CTNNA2: variants seen among roughly 807,000 people sequenced by gnomAD.
CTNNA2 encodes catenin alpha 2.
A neutral mutation model predicts 101.0 loss-of-function variants in CTNNA2; 42 were observed. The ratio of observed to expected loss-of-function variants is 0.42; its 90% CI spans 0.32 to 0.54. The LOEUF is 0.54. Ranked by LOEUF, CTNNA2 falls within the 20% of genes least tolerant of loss-of-function variation. The pLI is 0.14. For synonymous variants in CTNNA2, 450 were observed against 456.4 expected, an observed-to-expected ratio of 0.99 and a Z score of 0.18; for missense variants, 871 against 1,223.1, an observed-to-expected ratio of 0.71 and a Z score of 4.29.
intron 3 of CTNNA2, among the ~76,000 whole-genome samples, chr2:79,323,025 A>G (rs1676660236): frequency 6.6e-6 from 1 of 152,158 alleles, no homozygotes; most frequent in Admixed American, 6.5e-5. Flanking sequence ...GTATTTTCCC[A>G]TGCTAGGAAT....
intron 7 of CTNNA2, among the ~76,000 whole-genome samples, chr2:80,043,277 A>C (rs1696300479): frequency 6.8e-6 from 1 of 146,426 alleles, no homozygotes; most frequent in South Asian, 2.2e-4. Flanking sequence ...GGCTCACTGC[A>C]ACCTCCACCT....
intron 3 of CTNNA2, among the ~76,000 whole-genome samples, chr2:79,759,841 C>T (rs1672660332): frequency 6.6e-6 from 1 of 152,180 alleles, no homozygotes; most frequent in East Asian, 1.9e-4. Context: ...TACAGCCTCT[C>T]TCATTTTTTT....
At chr2:80,589,048 C>A (rs901429152) in intron 14 of CTNNA2, among the ~76,000 whole-genome samples, 1 of 152,116 alleles carries the variant, frequency 6.6e-6, no homozygotes, top group Non-Finnish European at 1.5e-5. Flanking sequence ...CAGAGAAGTT[C>A]TGTTATTGCC....
intron 3 of CTNNA2, among the ~76,000 whole-genome samples, chr2:79,751,262 C>G (rs1219810044): frequency 6.6e-6 from 1 of 151,866 alleles, no homozygotes; most frequent in Non-Finnish European, 1.5e-5. Context: ...ATAAAGAAGC[C>G]CTGATTTGAT....
Position 80,163,196 on chromosome 2 carries a change from A to AG in CTNNA2, c.1057-230013dup, listed in dbSNP as rs1704443474. 1.3e-5 allele frequency: 16 copies of AG among 1,261,064 alleles called. No homozygotes were observed. The South Asian group carries it at 2.0e-4, about 16-fold the overall frequency. The allele number at this position is 1,261,064 out of a possible 1,614,324, so 78.1% of individuals were successfully genotyped here. On this transcript the variant is annotated intron_variant, in intron 7 of 18. Coordinates refer to ENST00000402739, the MANE Select transcript of CTNNA2 (RefSeq NM_001282597.3). ...GAGCTCCTCGGTCACTTTCATTTCA[A>AG]GGTTGCCCACAAAGAACTAGCTTAT...
At chr2:80,272,114 C>A (rs1673538529) in intron 7 of CTNNA2, among the ~76,000 whole-genome samples, 1 of 152,196 alleles carries the variant, frequency 6.6e-6, no homozygotes, top group Admixed American at 6.5e-5. Flanking sequence ...TGCAATACAT[C>A]ATTTTAGAAA....
Position 80,303,980 on chromosome 2 carries a change from A to C in CTNNA2, c.1057-89231A>C. The C allele has an allele frequency of 1.3e-6, 1 of 793,686 alleles. No homozygotes were observed. Among genetic ancestry groups the C allele is most frequent in the Non-Finnish European group, 1.9e-6 (1 of 536,268 alleles). The allele number at this position is 793,686 out of a possible 1,614,324, so 49.2% of individuals were successfully genotyped here. ...AAATAAAGAAGGACCCCCCTCCCCA[A>C]AAACCACACGTTCACCTCTAAGCAT... On this transcript the variant is annotated intron_variant, in intron 7 of 18. Coordinates refer to ENST00000402739, the MANE Select transcript of CTNNA2 (RefSeq NM_001282597.3). This position sits in a 1 kb window ranked among gnomAD's most constrained non-coding sequence, Gnocchi z 7.7.
chr2:80,066,561 A>C (rs1316926952), intron 7 of CTNNA2, among the ~76,000 whole-genome samples: 1 of 152,196 alleles, frequency 6.6e-6, no homozygotes, highest in Non-Finnish European at 1.5e-5. Flanking sequence ...CACTTTTTAG[A>C]ATGGCTGTTA....
chr2:80,477,510 C>T (rs72914986), intron 9 of CTNNA2, among the ~76,000 whole-genome samples: 4,372 of 152,174 alleles, frequency 0.029, 227 homozygotes, highest in African/African-American at 0.099. Context: ...TCACCTCCCA[C>T]CCATCCTTTC....
intron 1 of CTNNA2, among the ~76,000 whole-genome samples, chr2:79,194,474 G>A (rs1218542983): frequency 2.0e-5 from 3 of 152,166 alleles, no homozygotes; most frequent in Non-Finnish European, 2.9e-5. Flanking sequence ...CCAGGCTATT[G>A]GTCTTTCTCT....
At chr2:79,404,962 GTTTATACACTT>G (rs1678326552) in intron 4 of CTNNA2, among the ~76,000 whole-genome samples, 1 of 151,960 alleles carries the variant, frequency 6.6e-6, no homozygotes. Flanking sequence ...GAACCATGTA[GTTTATACACTT>G]AAGGTATACA....
chr2:80,264,952 G>T (rs1672889940), intron 7 of CTNNA2, among the ~76,000 whole-genome samples: 1 of 141,802 alleles, frequency 7.1e-6, no homozygotes, highest in African/African-American at 2.6e-5. Context: ...CAATGAGAAA[G>T]GATAGGGAAG....
intron 7 of CTNNA2, among the ~76,000 whole-genome samples, chr2:80,253,489 C>T (rs1292105959): frequency 6.6e-6 from 1 of 152,106 alleles, no homozygotes; most frequent in Non-Finnish European, 1.5e-5. Flanking sequence ...TCTCATCTTG[C>T]CTGTCCTCAT....
At chr2:79,333,238 G>T (rs547716179) in intron 3 of CTNNA2, among the ~76,000 whole-genome samples, 11 of 152,232 alleles carry the variant, frequency 7.2e-5, no homozygotes, top group African/African-American at 2.4e-4. Context: ...ACAGTGAGGA[G>T]AACTGAAGGA....
intron 7 of CTNNA2, among the ~76,000 whole-genome samples, chr2:80,090,142 C>CTG (rs1211542079): frequency 1.2e-5 from 1 of 86,044 alleles, no homozygotes; most frequent in Non-Finnish European, 2.2e-5. Context: ...CACTCTCTCT[C>CTG]TCTCTGTGTG....
intron 4 of CTNNA2, among the ~76,000 whole-genome samples, chr2:79,382,349 G>A (rs998577601): frequency 6.6e-6 from 1 of 152,050 alleles, no homozygotes; most frequent in African/African-American, 2.4e-5. Flanking sequence ...GTAGTCACAT[G>A]AGCCAATCTC....
intron 10 of CTNNA2, 73 bp from the exon 11 acceptor site, chr2:80,545,834 A>G (rs562857962): frequency 1.3e-6 from 2 of 1,516,844 alleles, no homozygotes; most frequent in East Asian, 2.3e-5. Context: ...TGGTTTTAAC[A>G]TGGTCTTTGA....
intron 3 of CTNNA2, among the ~76,000 whole-genome samples, chr2:79,356,304 T>C (rs1007206728): frequency 9.2e-5 from 14 of 152,232 alleles, no homozygotes; most frequent in African/African-American, 3.1e-4. Flanking sequence ...TTGGGTTGCT[T>C]ATTTTTCTTG....
intron 7 of CTNNA2, among the ~76,000 whole-genome samples, chr2:80,125,251 C>G (rs755672081): frequency 2.6e-5 from 4 of 152,072 alleles, no homozygotes; most frequent in African/African-American, 9.7e-5. Flanking sequence ...TTCGAGGTGA[C>G]AAGTCTGGGC....
Sources: gnomAD v4.1 joint callset for allele counts (sites outside exome capture counted in the v4.1 genomes callset) on GRCh38, gnomAD v4.1.1 for gene constraint, Gnocchi (gnomAD v3.1) non-coding constraint, MANE v1.5 for transcripts, NCBI Gene and HGNC (gene_info 2026-07-23, HGNC 2026-07-21) for gene names.